Variants in VPS13D observed in about 807,000 individuals in gnomAD.
The protein encoded by VPS13D is intermembrane lipid transfer protein VPS13D.
VPS13D carries 187 observed loss-of-function variants against 461.9 expected under a neutral mutation model. The observed-to-expected ratio is 0.40, with a 90% confidence interval of 0.36 to 0.46. VPS13D has a LOEUF of 0.46. Among genes scored for constraint, VPS13D ranks in the 20% least tolerant of loss-of-function variants. The probability of loss-of-function intolerance (pLI) is 0.60; values close to 1 mark genes in which losing one functional copy is unlikely to be tolerated. For synonymous variants in VPS13D, 1,951 were observed against 1,986.3 expected (o/e 0.98, Z 0.47); for missense variants, 4,711 against 5,364.9 (o/e 0.88, Z 3.81).
At chr1:12,253,441 A>G (rs575857690) in intron 6 of VPS13D, among the ~76,000 whole-genome samples, 1 of 152,138 alleles carries the variant, frequency 6.6e-6, no homozygotes, top group South Asian at 2.1e-4. Flanking sequence ...ATCTTTCGAC[A>G]CTCATTTGCA....
intron 59 of VPS13D, among the ~76,000 whole-genome samples, 170 bp from the exon 60 acceptor site, chr1:12,386,015 A>G (rs1319002134): frequency 6.6e-6 from 1 of 152,208 alleles, no homozygotes; most frequent in Non-Finnish European, 1.5e-5. Context: ...TTCCAGTGAG[A>G]TGATAGCATT....
At chr1:12,344,608 T>G (rs1251192641) in intron 42 of VPS13D, among the ~76,000 whole-genome samples, 4 of 152,208 alleles carry the variant, frequency 2.6e-5, no homozygotes, top group African/African-American at 7.2e-5. Flanking sequence ...TTTCTGTTTT[T>G]GTTTCCGTAT....
At chr1:12,391,641 A>G (rs1456362043) in intron 60 of VPS13D, among the ~76,000 whole-genome samples, 1 of 152,184 alleles carries the variant, frequency 6.6e-6, no homozygotes, top group Non-Finnish European at 1.5e-5. Context: ...ATGGGGTTTC[A>G]CCACGTTGGC....
At chr1:12,419,380 T>C (rs1000441157) in intron 65 of VPS13D, among the ~76,000 whole-genome samples, 1 of 152,194 alleles carries the variant, frequency 6.6e-6, no homozygotes, top group African/African-American at 2.4e-5. Flanking sequence ...ATAGATTGTG[T>C]ATTAGTCCAT....
intron 68 of VPS13D, among the ~76,000 whole-genome samples, chr1:12,499,059 T>C (rs1167777259): frequency 2.0e-5 from 3 of 152,124 alleles, no homozygotes; most frequent in Non-Finnish European, 4.4e-5. Context: ...AGTTCATTCC[T>C]TGGGGCAGGG....
intron 68 of VPS13D, among the ~76,000 whole-genome samples, chr1:12,501,435 T>C (rs1226836190): frequency 6.6e-6 from 1 of 152,208 alleles, no homozygotes; most frequent in South Asian, 2.1e-4. Flanking sequence ...AATTAAAACT[T>C]GGATTTGGCA....
At position 12,467,180 on chromosome 1, in the gene VPS13D, A is replaced by AT. The variant is rs920067176; in HGVS notation, c.12662+6792dup. On this transcript the variant is annotated intron_variant, in intron 67 of 69. Transcript: ENST00000620676. ...ATTATAGGATCGGATATTTTATTTT[A>AT]TTTTTTTTCAAGACAGAGTCTTGCT... 7.9e-5 allele frequency among the ~76,000 whole-genome samples: 12 copies of AT among 151,800 alleles called. 1 individual carries two copies. Among genetic ancestry groups the AT allele is most frequent in the African/African-American group, 1.7e-4 (7 of 41,416 alleles).
chr1:12,352,908 T>C (rs1643827772), intron 46 of VPS13D, among the ~76,000 whole-genome samples: 1 of 122,880 alleles, frequency 8.1e-6, no homozygotes, highest in Non-Finnish European at 1.6e-5. Flanking sequence ...GAGGTTGCAG[T>C]GAGCCAAGAT....
At chr1:12,312,296 G>T (rs1642774777) in intron 29 of VPS13D, among the ~76,000 whole-genome samples, 2 of 152,308 alleles carry the variant, frequency 1.3e-5, no homozygotes, top group Admixed American at 6.5e-5. Flanking sequence ...GCTCTGAATG[G>T]TGTTGAATGG....
chr1:12,335,920 G>A (rs776872130), intron 39 of VPS13D, 93 bp downstream of exon 39: 26 of 1,568,260 alleles, frequency 1.7e-5, no homozygotes, highest in East Asian at 4.6e-5. Context: ...ATCATTCTGC[G>A]TGGAAAAACC....
chr1:12,316,555 A>G (rs1055897749), intron 30 of VPS13D, among the ~76,000 whole-genome samples: 30 of 152,180 alleles, frequency 2.0e-4, no homozygotes, highest in African/African-American at 7.0e-4. Flanking sequence ...TCCATTACAC[A>G]AGAGTAGAGT....
chr1:12,264,441 G>A (rs957233618), intron 13 of VPS13D, among the ~76,000 whole-genome samples: 2 of 152,224 alleles, frequency 1.3e-5, no homozygotes, highest in African/African-American at 4.8e-5. Flanking sequence ...GAAAAGTTCT[G>A]GAAGGAAATT....
At chr1:12,311,693 T>A in intron 28 of VPS13D, 68 bp downstream of exon 28, 2 of 1,592,920 alleles carry the variant, frequency 1.3e-6, no homozygotes, top group Non-Finnish European at 1.7e-6. Flanking sequence ...GTGTATCTAT[T>A]CCTCAAACTC....
intron 3 of VPS13D, among the ~76,000 whole-genome samples, chr1:12,243,549 T>C (rs190523970): frequency 1.9e-3 from 286 of 152,182 alleles, no homozygotes; most frequent in African/African-American, 6.6e-3. Flanking sequence ...CCCAGCACTT[T>C]GGGAGGCTGA....
At chr1:12,437,164 CAG>C (rs1388726952) in intron 65 of VPS13D, among the ~76,000 whole-genome samples, 1 of 152,120 alleles carries the variant, frequency 6.6e-6, no homozygotes, top group African/African-American at 2.4e-5. Flanking sequence ...AGGTAGATTG[CAG>C]AGTTACCAAA....
chr1:12,335,698 T>C lies in VPS13D; in HGVS notation c.8429-7T>C, dbSNP rs775954272. 1.2e-6 allele frequency: 2 copies of C among 1,601,912 alleles called. No individual in the cohort carries two copies. The highest frequency in any genetic ancestry group is 2.2e-5 in the South Asian group (2 of 89,134). ...TTCTCTTAATATCTCTGGGGGATTC[T>C]TTCTAGACCAGTATGTAAGTACCAA... On this transcript the variant is annotated splice_region_variant and splice_polypyrimidine_tract_variant and intron_variant, in intron 38 of 69. Transcript: ENST00000620676.
chr1:12,417,063 C>T (rs1043459582), intron 65 of VPS13D, among the ~76,000 whole-genome samples: 2 of 152,226 alleles, frequency 1.3e-5, no homozygotes, highest in South Asian at 2.1e-4. Context: ...CCAGGCATTG[C>T]GTATGTCTTA....
chr1:12,293,482 G>A lies in VPS13D; in HGVS notation c.5853-42G>A, dbSNP rs374992725. The A allele has an allele frequency of 4.7e-5, 72 of 1,534,570 alleles. 3 individuals carry two copies. The Admixed American group carries it at 6.1e-4, about 13-fold the overall frequency. The stretch of plus-strand genomic sequence containing the variant: ...GAGTTTTCTTGAAATACTAACTTGT[G>A]TCTTGCTGTTATCTGAGTCACACTT... On this transcript the variant is annotated intron_variant, in intron 23 of 69. Transcript: ENST00000620676.
At chr1:12,404,464 A>G (rs1310754207) in intron 63 of VPS13D, among the ~76,000 whole-genome samples, 1 of 152,080 alleles carries the variant, frequency 6.6e-6, no homozygotes, top group Non-Finnish European at 1.5e-5. Context: ...TTTAAAGTCG[A>G]CTCAGCCCAC....
Sources: allele counts gnomAD v4.1 joint callset (sites outside exome capture counted in the v4.1 genomes callset), GRCh38; gene constraint gnomAD v4.1.1; transcripts MANE v1.5; gene names NCBI Gene and HGNC (gene_info 2026-07-23, HGNC 2026-07-21).